The following CRYBG1 variants were observed in gnomAD, a reference collection of about 807,000 sequenced individuals.
CRYBG1 encodes crystallin beta-gamma domain containing 1.
A neutral mutation model predicts 189.2 loss-of-function variants in CRYBG1; 139 were observed. The observed-to-expected ratio is 0.73, with a 90% confidence interval of 0.64 to 0.85. The LOEUF (loss-of-function observed/expected upper bound fraction) is 0.85. Ranked by LOEUF, CRYBG1 falls within the 40% of genes least tolerant of loss-of-function variation. The pLI is 0.00. For synonymous variants in CRYBG1, 1,023 were observed against 1,017.1 expected, an observed-to-expected ratio of 1.01 and a Z score of -0.11; for missense variants, 2,611 against 2,675.8, an observed-to-expected ratio of 0.98 and a Z score of 0.53.
At chr6:106,480,670 A>G (rs1200878052) in intron 2 of CRYBG1, among the ~76,000 whole-genome samples, 3 of 132,744 alleles carry the variant, frequency 2.3e-5, no homozygotes, top group African/African-American at 6.3e-5. Context: ...CCATCTCAAA[A>G]AGAAAAAAAA....
chr6:106,539,795 C>A (rs1774089066), intron 9 of CRYBG1, among the ~76,000 whole-genome samples: 1 of 151,406 alleles, frequency 6.6e-6, no homozygotes, highest in African/African-American at 2.4e-5. Context: ...CGCAAAGCTT[C>A]AGCGCAGTGT....
intron 2 of CRYBG1, among the ~76,000 whole-genome samples, chr6:106,480,010 C>T (rs931504102): frequency 1.3e-5 from 2 of 151,898 alleles, no homozygotes; most frequent in African/African-American, 4.8e-5. Flanking sequence ...AAGATTAAAA[C>T]TCTGTTTTCT....
intron 2 of CRYBG1, among the ~76,000 whole-genome samples, chr6:106,510,327 G>A (rs949055004): frequency 6.6e-6 from 1 of 152,080 alleles, no homozygotes; most frequent in Non-Finnish European, 1.5e-5. Flanking sequence ...TCTATGCCCC[G>A]CACCTACCCA....
intron 1 of CRYBG1, among the ~76,000 whole-genome samples, chr6:106,375,442 T>G (rs1770137089): frequency 6.7e-6 from 1 of 150,300 alleles, no homozygotes; most frequent in Non-Finnish European, 1.5e-5. Flanking sequence ...AATAAATAAA[T>G]AAATAAAAGA....
intron 1 of CRYBG1, among the ~76,000 whole-genome samples, chr6:106,424,019 T>A (rs755183605): frequency 2.6e-5 from 4 of 151,934 alleles, no homozygotes; most frequent in Non-Finnish European, 4.4e-5. Context: ...CCTCCTTTCC[T>A]TCTCTCTCTC....
intron 13 of CRYBG1, among the ~76,000 whole-genome samples, chr6:106,548,629 G>T (rs1178639809): frequency 6.6e-5 from 10 of 151,966 alleles, no homozygotes; most frequent in Admixed American, 6.6e-4. Flanking sequence ...CTCTCTACTT[G>T]TTACAGACTC....
chr6:106,544,648 C>G lies in CRYBG1; in HGVS notation c.5117C>G (p.Ala1706Gly), dbSNP rs1204572922. Reference protein sequence around the residue: ...LEEGEYRDWKAWGGYNGELQS... With the variant: ...LEEGEYRDWKGWGGYNGELQS... ...GAAGGAGAATACAGGGACTGGAAAGCCTGGGGAGGTTACAATGGAGAGCTT... is the reference window on the plus strand; with the variant it reads ...GAAGGAGAATACAGGGACTGGAAAGGCTGGGGAGGTTACAATGGAGAGCTT... The change falls in exon 12 of 22, where the codon GCC becomes GGC. Residue 1706 changes from alanine (A) to glycine (G), a missense_variant. By Grantham distance (60) the Ala-to-Gly change is moderately conservative (BLOSUM62 0). Around this residue, in one of 3 missense-constraint regions of CRYBG1, gnomAD observed 1,622 missense variants for 1,735.0 expected, o/e 0.93. Transcript: ENST00000633556. 6.2e-7 allele frequency: 1 copy of G among 1,613,860 alleles called. No homozygotes were observed.
chr6:106,560,312 T>C lies in CRYBG1; in HGVS notation c.5856-491T>C, dbSNP rs1022575907. Among the ~76,000 whole-genome samples the C allele has an allele frequency of 2.2e-4, 33 of 152,218 alleles. 1 individual carries two copies. The highest frequency in any genetic ancestry group is 3.7e-4 in the Non-Finnish European group (25 of 68,040). ...CGCCAGTCTGCGCTTAAACCCATAC[T>C]TCCTCAGGTGTGCAGCAGTAGCATC... On this transcript the variant is annotated intron_variant, in intron 18 of 21. Transcript: ENST00000633556.
Position 106,521,117 on chromosome 6 carries a change from T to A in CRYBG1, c.3909T>A (p.Leu1303=). 2 of 1,614,142 alleles carry A rather than the reference T, an allele frequency of 1.2e-6. No individual in the cohort carries two copies. The highest frequency in any genetic ancestry group is 1.7e-6 in the Non-Finnish European group (2 of 1,180,032). The change falls in exon 4 of 22, where the codon CTT becomes CTA. Residue 1303 remains leucine (L), a synonymous_variant. Coordinates refer to ENST00000633556, the MANE Select transcript of CRYBG1 (RefSeq NM_001371242.2). ...PCGLNKEQSN[L]LPDNSLKVFN... ...GTTTGAACAAAGAACAGTCAAATCTTCTGCCCGACAACTCCTTAAAGGTCT... is the reference window on the plus strand; with the variant it reads ...GTTTGAACAAAGAACAGTCAAATCTACTGCCCGACAACTCCTTAAAGGTCT...
intron 21 of CRYBG1, among the ~76,000 whole-genome samples, chr6:106,566,464 C>CTGTT (rs1774890377): frequency 1.4e-5 from 1 of 71,650 alleles, no homozygotes; most frequent in South Asian, 6.7e-4. Flanking sequence ...CAACAACAGT[C>CTGTT]TTTTTTTTTT....
chr6:106,375,223 A>G (rs1443053834), intron 1 of CRYBG1, among the ~76,000 whole-genome samples: 2 of 151,560 alleles, frequency 1.3e-5, no homozygotes, highest in East Asian at 3.9e-4. Context: ...TCTCCATAAA[A>G]AAAATTTTTG....
At chr6:106,514,508 A>G (rs1237611370) in intron 3 of CRYBG1, among the ~76,000 whole-genome samples, 1 of 152,210 alleles carries the variant, frequency 6.6e-6, no homozygotes, top group East Asian at 1.9e-4. Flanking sequence ...CCTTTGATAT[A>G]GTCAGTGATT....
In CRYBG1 at chr6:106,473,565, A is replaced by C. The variant is rs73511055; in HGVS notation, c.312+21733A>C. Reference sequence around the variant, plus strand: ...ATGGACACAACACAGTGAATCAAAAAGACAGGAGACAACAGGGGGGCAAAA... The same window carrying C: ...ATGGACACAACACAGTGAATCAAAACGACAGGAGACAACAGGGGGGCAAAA... On this transcript the variant is annotated intron_variant, in intron 2 of 21. Transcript: ENST00000633556. Among the ~76,000 whole-genome samples the C allele has an allele frequency of 9.4e-3, 1,428 of 152,328 alleles. 22 individuals are homozygous for C. The highest frequency in any genetic ancestry group is 0.033 in the African/African-American group (1,376 of 41,570).
intron 4 of CRYBG1, 84 bp downstream of exon 4, chr6:106,521,537 T>C (rs1318762125): frequency 1.5e-6 from 2 of 1,379,236 alleles, no homozygotes; most frequent in Admixed American, 4.7e-5. Flanking sequence ...TGTTATTCTT[T>C]TAGAAATGGT....
intron 1 of CRYBG1, among the ~76,000 whole-genome samples, chr6:106,407,835 G>A (rs1220214982): frequency 3.3e-5 from 5 of 152,138 alleles, no homozygotes; most frequent in African/African-American, 1.2e-4. Context: ...TGAAAACAAA[G>A]ACACTATGTA....
intron 2 of CRYBG1, among the ~76,000 whole-genome samples, chr6:106,496,729 G>T (rs868705021): frequency 2.5e-4 from 38 of 152,196 alleles, no homozygotes; most frequent in Admixed American, 4.6e-4. Context: ...TGGCCAGGCT[G>T]ATCATTTTGA....
chr6:106,424,183 C>G (rs1419734754), intron 1 of CRYBG1, among the ~76,000 whole-genome samples: 1 of 152,172 alleles, frequency 6.6e-6, no homozygotes, highest in Non-Finnish European at 1.5e-5. Flanking sequence ...AATTTCATAT[C>G]CAAACTACGT....
At chr6:106,489,162 G>A (rs1384671945) in intron 2 of CRYBG1, among the ~76,000 whole-genome samples, 4 of 152,192 alleles carry the variant, frequency 2.6e-5, no homozygotes, top group African/African-American at 4.8e-5. Context: ...GGCAGAGGCA[G>A]GATTCCTTAC....
chr6:106,537,786 T>C (rs1473809767), intron 8 of CRYBG1, among the ~76,000 whole-genome samples: 1 of 152,214 alleles, frequency 6.6e-6, no homozygotes, highest in Non-Finnish European at 1.5e-5. Flanking sequence ...TCTAACACTG[T>C]AGTTCTGACC....
Sources: allele counts gnomAD v4.1 joint callset (sites outside exome capture counted in the v4.1 genomes callset), GRCh38; gene constraint gnomAD v4.1.1; regional missense constraint gnomAD v4.1.1; transcripts MANE v1.5; gene names NCBI Gene and HGNC (gene_info 2026-07-23, HGNC 2026-07-21).